Variants in CAB39 observed in about 807,000 individuals in gnomAD.
The protein encoded by CAB39 is calcium binding protein 39, also known as calcium-binding protein 39.
Under a neutral mutation model 40.0 loss-of-function variants are expected in CAB39, and 8 were observed. The ratio of observed to expected loss-of-function variants is 0.20; its 90% confidence interval spans 0.12 to 0.36. The LOEUF (loss-of-function observed/expected upper bound fraction) is 0.36, where lower values mean the gene tolerates loss of function less well. Ranked by LOEUF, CAB39 falls within the 10% of genes least tolerant of loss-of-function variation. The pLI, the probability that CAB39 is intolerant of heterozygous loss-of-function variation, is 1.00. For missense variants in CAB39, 270 were observed against 401.1 expected, an observed-to-expected ratio of 0.67 and a Z score of 2.79; for synonymous variants, 156 against 141.6, an observed-to-expected ratio of 1.10 and a Z score of -0.72.
chr2:230,715,186 A>C (rs1444202085), intron 1 of CAB39, among the ~76,000 whole-genome samples: 1 of 152,156 alleles, frequency 6.6e-6, no homozygotes, highest in East Asian at 1.9e-4. Flanking sequence ...TCATATAAAA[A>C]ATTTTTACTC....
intron 3 of CAB39, 60 bp from the exon 4 acceptor site, chr2:230,793,153 G>T: frequency 1.1e-6 from 1 of 909,664 alleles, no homozygotes; most frequent in South Asian, 1.4e-5. Flanking sequence ...CATTTGGGAG[G>T]GTGAATGAGC....
At chr2:230,752,112 G>A (rs1292638164) in intron 1 of CAB39, 1 of 126,404 alleles carries the variant, frequency 7.9e-6, no homozygotes. Flanking sequence ...CTTTTAAAAA[G>A]CAATGCCTTT....
intron 8 of CAB39, 99 bp downstream of exon 8, chr2:230,817,996 G>C (rs1696433598): frequency 9.4e-7 from 1 of 1,067,902 alleles, no homozygotes; most frequent in South Asian, 1.5e-5. Context: ...TGGTAATCCA[G>C]GTGACTTAAT....
chr2:230,716,630 G>C (rs1694354635), intron 1 of CAB39, among the ~76,000 whole-genome samples: 1 of 152,200 alleles, frequency 6.6e-6, no homozygotes, highest in Non-Finnish European at 1.5e-5. Context: ...TTGAACTCCT[G>C]GGCTTATGCC....
At chr2:230,789,334 C>T (rs115015028) in intron 2 of CAB39, among the ~76,000 whole-genome samples, 2,980 of 151,944 alleles carry the variant, frequency 0.02, 91 homozygotes, top group African/African-American at 0.068. Flanking sequence ...TTTTAATGTC[C>T]TTGTTGAGTA....
intron 7 of CAB39, among the ~76,000 whole-genome samples, chr2:230,816,155 C>T (rs546433243): frequency 2.9e-4 from 44 of 152,306 alleles, no homozygotes; most frequent in Non-Finnish European, 4.9e-4. Context: ...AGCCTGTAGT[C>T]CCAGCTACTT....
intron 4 of CAB39, among the ~76,000 whole-genome samples, chr2:230,797,053 A>G (rs1257166326): frequency 6.6e-6 from 1 of 152,218 alleles, no homozygotes; most frequent in East Asian, 1.9e-4. Context: ...CCCAAGCTGG[A>G]AATGCTGTTG....
chr2:230,741,918 A>G (rs1056876574), intron 1 of CAB39, among the ~76,000 whole-genome samples: 19 of 152,288 alleles, frequency 1.2e-4, no homozygotes, highest in Admixed American at 1.2e-3. Flanking sequence ...TTTGTCTATA[A>G]CTAAGCAGTG....
At chr2:230,778,977 C>T (rs957323296) in intron 2 of CAB39, 1 of 152,078 alleles carries the variant, frequency 6.6e-6, no homozygotes, top group Non-Finnish European at 1.5e-5. Context: ...CTATAGTTAC[C>T]TATGTCCTCA....
intron 1 of CAB39, among the ~76,000 whole-genome samples, chr2:230,727,348 G>C (rs189891798): frequency 3.1e-4 from 45 of 146,626 alleles, no homozygotes; most frequent in African/African-American, 1.2e-3. Context: ...TAGAGCACTT[G>C]AATAGATTGT....
At chr2:230,746,203 C>T (rs1016503327) in intron 1 of CAB39, among the ~76,000 whole-genome samples, 7 of 152,124 alleles carry the variant, frequency 4.6e-5, no homozygotes, top group Admixed American at 1.3e-4. Context: ...AATCCTGACA[C>T]CTACATTCAG....
chr2:230,809,923 GT>G (rs1234483271), intron 5 of CAB39, among the ~76,000 whole-genome samples: 4 of 152,040 alleles, frequency 2.6e-5, no homozygotes, highest in African/African-American at 4.8e-5. Flanking sequence ...TTGTTTTTGT[GT>G]TTTTGTTTTT....
chr2:230,719,888 T>C (rs1440189714), intron 1 of CAB39, among the ~76,000 whole-genome samples: 1 of 152,208 alleles, frequency 6.6e-6, no homozygotes, highest in Admixed American at 6.5e-5. Flanking sequence ...CTGAGTACTT[T>C]ATGGCATGTG....
chr2:230,763,898 G>A (rs972806725), intron 2 of CAB39, among the ~76,000 whole-genome samples: 1 of 152,164 alleles, frequency 6.6e-6, no homozygotes, highest in Non-Finnish European at 1.5e-5. Context: ...TAGTCGAGCG[G>A]ATCACTTGAG....
At chr2:230,778,097 G>A (rs753108726) in intron 2 of CAB39, among the ~76,000 whole-genome samples, 5 of 152,160 alleles carry the variant, frequency 3.3e-5, no homozygotes, top group Non-Finnish European at 7.3e-5. Context: ...GGTTTTTAAT[G>A]TCTGACTTAG....
intron 2 of CAB39, among the ~76,000 whole-genome samples, chr2:230,772,983 A>G (rs1052675449): frequency 1.3e-4 from 1 of 7,540 alleles, no homozygotes; most frequent in African/African-American, 1.9e-4. Context: ...ACTCAGCAAT[A>G]AAAAAAAAAA....
intron 1 of CAB39, among the ~76,000 whole-genome samples, chr2:230,734,900 G>A (rs1694759497): frequency 6.6e-6 from 1 of 152,192 alleles, no homozygotes; most frequent in South Asian, 2.1e-4. Flanking sequence ...TGCATTATTA[G>A]TCTGCTGGTC....
At chr2:230,811,805 C>T (rs376538375) in intron 6 of CAB39, among the ~76,000 whole-genome samples, 40 of 152,338 alleles carry the variant, frequency 2.6e-4, no homozygotes, top group African/African-American at 9.6e-4. Context: ...TTTCAACATA[C>T]TAGTAATTTA....
At chr2:230,804,572 A>G (rs1696155642) in intron 5 of CAB39, among the ~76,000 whole-genome samples, 1 of 152,240 alleles carries the variant, frequency 6.6e-6, no homozygotes, top group Non-Finnish European at 1.5e-5. Context: ...CAACCCCATC[A>G]AAAAGTGGGC....
Sources: gnomAD v4.1 joint callset for allele counts (sites outside exome capture counted in the v4.1 genomes callset) on GRCh38, gnomAD v4.1.1 for gene constraint, MANE v1.5 for transcripts, NCBI Gene and HGNC (gene_info 2026-07-23, HGNC 2026-07-21) for gene names.